Variants in MAU2 observed in about 807,000 individuals in gnomAD.
The protein encoded by MAU2 is MAU2 chromatid cohesion factor homolog.
MAU2 carries 9 observed loss-of-function variants against 89.1 expected under a neutral mutation model. That is an observed-to-expected ratio of 0.10 (90% CI 0.06 to 0.18). The LOEUF is 0.18. Among genes scored for constraint, MAU2 ranks in the 10% least tolerant of loss-of-function variants. The pLI is 1.00. For missense variants in MAU2, 425 were observed against 803.5 expected, an observed-to-expected ratio of 0.53 and a Z score of 5.69; for synonymous variants, 357 against 343.4, an observed-to-expected ratio of 1.04 and a Z score of -0.44.
intron 9 of MAU2, 26 bp downstream of exon 9, chr19:19,342,892 A>G (rs751706542): frequency 2.5e-6 from 4 of 1,611,348 alleles, no homozygotes; most frequent in Admixed American, 3.3e-5. Context: ...GGCTGGCCAC[A>G]TGGCCACAGC....
rs1377708869 is a variant in MAU2, at chr19:19,320,901, C to T, written c.42C>T (p.Ala14=). ...QAAAAAQAAA[A]QAAQAEAADS... ...CGGCAGCGGCCCAGGCGGCGGCGGC[C>T]CAGGCTGCGCAGGCCGAGGCGGCCG... Residue 14 remains alanine (A), a synonymous_variant, in exon 1 of 19, where the codon GCC becomes GCT. Transcript: ENST00000262815. The T allele has an allele frequency of 3.2e-6, 5 of 1,543,794 alleles. No individual in the cohort carries two copies. Among genetic ancestry groups the T allele is most frequent in the African/African-American group, 1.4e-5 (1 of 71,024 alleles).
At chr19:19,337,625 C>T (rs549861942) in intron 4 of MAU2, among the ~76,000 whole-genome samples, 1 of 152,326 alleles carries the variant, frequency 6.6e-6, no homozygotes, top group African/African-American at 2.4e-5. Flanking sequence ...TCATTGAAAT[C>T]CCAGGAACAT....
intron 3 of MAU2, 46 bp from the exon 4 acceptor site, chr19:19,337,123 TG>T: frequency 9.6e-7 from 1 of 1,043,864 alleles, no homozygotes; most frequent in Non-Finnish European, 1.3e-6. Flanking sequence ...ATTGCCGCCT[TG>T]TTTTTTTTTT....
chr19:19,342,966 G>A (rs989874863), intron 9 of MAU2, 100 bp downstream of exon 9: 30 of 1,235,718 alleles, frequency 2.4e-5, no homozygotes, highest in Admixed American at 1.6e-4. Context: ...CTGTGTGACC[G>A]CAGCGCCCAG....
At position 19,322,573 on chromosome 19, in the gene MAU2, C is replaced by G. The variant is rs113994506; in HGVS notation, c.276+1438C>G. Among the ~76,000 whole-genome samples, 482 of 152,168 alleles carry G rather than the reference C, an allele frequency of 3.2e-3. 2 individuals are homozygous for G. Among genetic ancestry groups the G allele is most frequent in the African/African-American group, 0.011 (450 of 41,530 alleles). On this transcript the variant is annotated intron_variant, in intron 1 of 18. Transcript: ENST00000262815. ...AGTGATCACGCCACTTCACTCCAGC[C>G]TTGGTGACAGTGAAACCCTGTCTCA...
At position 19,357,600 on chromosome 19, in the gene MAU2, T is replaced by A. The variant is rs1053682982; in HGVS notation, c.*1818T>A. On this transcript the variant is annotated 3_prime_UTR_variant, in exon 19 of 19. Coordinates refer to ENST00000262815, the MANE Select transcript of MAU2 (RefSeq NM_015329.4). ...CTATTTATTTAAGCCTTTCTTTGCT[T>A]GTAGGGCATTTTGTATGTAGAGCAG... The A allele has an allele frequency of 1.2e-4, 18 of 152,432 alleles. No individual in the cohort carries two copies. The highest frequency in any genetic ancestry group is 2.4e-4 in the Non-Finnish European group (16 of 68,034). 9.4% of individuals were successfully genotyped at this position (152,432 alleles called of 1,614,324 possible).
chr19:19,340,670 T>A (rs890132887), intron 5 of MAU2, among the ~76,000 whole-genome samples, 176 bp from the exon 6 acceptor site: 1 of 152,048 alleles, frequency 6.6e-6, no homozygotes, highest in Non-Finnish European at 1.5e-5. Context: ...AAAATAAAAA[T>A]AAACACAGAC....
At chr19:19,337,398 G>A (rs2061606197) in intron 4 of MAU2, 133 bp downstream of exon 4, 3 of 669,840 alleles carry the variant, frequency 4.5e-6, no homozygotes. Context: ...AGTAGGTGGG[G>A]ACATGGGAAC....
chr19:19,338,483 A>G (rs1444946918), intron 4 of MAU2, among the ~76,000 whole-genome samples: 1 of 152,126 alleles, frequency 6.6e-6, no homozygotes, highest in African/African-American at 2.4e-5. Flanking sequence ...CCTGGAACAC[A>G]CTAGGGACAC....
chr19:19,358,552 G>A lies in MAU2; in HGVS notation c.*2770G>A, dbSNP rs567902330. 3.0e-4 allele frequency: 46 copies of A among 152,316 alleles called. No individual in the cohort carries two copies. The highest frequency in any genetic ancestry group is 9.2e-4 in the Admixed American group (14 of 15,288). 9.4% of individuals were successfully genotyped at this position (152,316 alleles called of 1,614,324 possible). ...TTTTGTTAAGGTTTTTAATAAGTAC[G>A]TTTGGCATAATGTCTTTTAATGGGT... On this transcript the variant is annotated 3_prime_UTR_variant, in exon 19 of 19. Coordinates refer to ENST00000262815, the MANE Select transcript of MAU2 (RefSeq NM_015329.4).
chr19:19,329,106 T>G (rs755236789), intron 1 of MAU2: 2 of 456,030 alleles, frequency 4.4e-6, no homozygotes, highest in South Asian at 3.1e-5. Flanking sequence ...ATGCTTCCTT[T>G]TCTCTTAAGA....
At chr19:19,351,304 T>C (rs2061742048) in intron 16 of MAU2, among the ~76,000 whole-genome samples, 2 of 150,116 alleles carry the variant, frequency 1.3e-5, no homozygotes, top group Admixed American at 6.7e-5. Flanking sequence ...CACTTCAGCC[T>C]CCCAAAGTGC....
chr19:19,328,413 TC>T (rs1892383602), intron 1 of MAU2, among the ~76,000 whole-genome samples: 1 of 150,696 alleles, frequency 6.6e-6, no homozygotes, highest in African/African-American at 2.4e-5. Flanking sequence ...CATATCCGTT[TC>T]CCCCTTAACT....
intron 12 of MAU2, among the ~76,000 whole-genome samples, chr19:19,346,077 G>A (rs925900837): frequency 2.2e-4 from 34 of 152,260 alleles, no homozygotes; most frequent in African/African-American, 7.2e-4. Flanking sequence ...TCCTGTGTGC[G>A]CCCTGACTGT....
At chr19:19,351,093 A>G (rs1323771207) in intron 16 of MAU2, among the ~76,000 whole-genome samples, 1 of 151,882 alleles carries the variant, frequency 6.6e-6, no homozygotes, top group African/African-American at 2.4e-5. Flanking sequence ...CCCAAGTTGG[A>G]GCGCAGTGGC....
At chr19:19,351,033 C>CT (rs910351533) in intron 16 of MAU2, among the ~76,000 whole-genome samples, 12 of 151,228 alleles carry the variant, frequency 7.9e-5, no homozygotes, top group African/African-American at 1.5e-4. Flanking sequence ...GTGAGACCCT[C>CT]TTTTTTTTTA....
chr19:19,341,882 CTG>C, intron 7 of MAU2, among the ~76,000 whole-genome samples: 2 of 152,312 alleles, frequency 1.3e-5, no homozygotes, highest in South Asian at 4.1e-4. Context: ...CTCCTTGTCT[CTG>C]TGCTTGTGTG....
chr19:19,326,501 A>G (rs1279034109), intron 1 of MAU2, among the ~76,000 whole-genome samples: 1 of 151,422 alleles, frequency 6.6e-6, no homozygotes, highest in Non-Finnish European at 1.5e-5. Context: ...CCTGGCTAAC[A>G]AGGTGAAACC....
chr19:19,329,121 A>G (rs974880404), intron 1 of MAU2: 14 of 455,898 alleles, frequency 3.1e-5, no homozygotes, highest in South Asian at 1.2e-4. Flanking sequence ...TTAAGACCCA[A>G]CAGGGCTAGG....
Sources: allele counts gnomAD v4.1 joint callset (sites outside exome capture counted in the v4.1 genomes callset), GRCh38; gene constraint gnomAD v4.1.1; transcripts MANE v1.5; gene names NCBI Gene and HGNC (gene_info 2026-07-23, HGNC 2026-07-21).